The following WIZ variants were observed in gnomAD, a reference collection of about 807,000 sequenced individuals.
WIZ encodes WIZ zinc finger.
WIZ carries 25 observed loss-of-function variants against 140.2 expected under a neutral mutation model. The ratio of observed to expected loss-of-function variants is 0.18; its 90% CI spans 0.13 to 0.25. The LOEUF is 0.25. WIZ is among the 10% of genes least tolerant of loss of function. The pLI is 1.00. For missense variants in WIZ, 2,231 were observed against 2,632.6 expected, an observed-to-expected ratio of 0.85 and a Z score of 3.34; for synonymous variants, 1,125 against 1,154.3, an observed-to-expected ratio of 0.97 and a Z score of 0.51.
chr19:15,433,532 A>T (rs963582162), intron 5 of WIZ, among the ~76,000 whole-genome samples: 2 of 152,162 alleles, frequency 1.3e-5, no homozygotes, highest in African/African-American at 4.8e-5. Context: ...CCTCGCAGTT[A>T]TTCACTGAAA....
Position 15,440,863 on chromosome 19 carries a change from T to C in WIZ, c.279-148A>G, listed in dbSNP as rs925993888. ...GGGGTGTGGGGGTGAGGGTGGGAGG[T>C]AGGGGGAGTCCACGTGGATCCTTCC... On this transcript the variant is annotated intron_variant, in intron 3 of 12. Coordinates refer to ENST00000673675, the MANE Select transcript of WIZ (RefSeq NM_001371589.1). This position sits in a 1 kb window ranked among gnomAD's most constrained non-coding sequence, Gnocchi z 6.2. 6 of 728,332 alleles carry C rather than the reference T, an allele frequency of 8.2e-6. No homozygotes were observed. The highest frequency in any genetic ancestry group is 3.6e-5 in the African/African-American group (2 of 55,802). The allele number at this position is 728,332 out of a possible 1,614,324, so 45.1% of individuals were successfully genotyped here.
At chr19:15,429,442 C>G in intron 7 of WIZ, 144 bp downstream of exon 7, 1 of 944,940 alleles carries the variant, frequency 1.1e-6, no homozygotes, top group Non-Finnish European at 1.4e-6. Context: ...GACCAATACT[C>G]TGGCCTGGCT....
chr19:15,440,928 G>A lies in WIZ; in HGVS notation c.279-213C>T, dbSNP rs1056559592. Reference sequence around the variant, plus strand: ...AAAAGCCAGGTTCAACTCCTAGGATGCACCTGTCCACAAAGCCTAGCCCCG... The same window carrying A: ...AAAAGCCAGGTTCAACTCCTAGGATACACCTGTCCACAAAGCCTAGCCCCG... On this transcript the variant is annotated intron_variant, in intron 3 of 12. Transcript: ENST00000673675. This position sits in a 1 kb window ranked among gnomAD's most constrained non-coding sequence, Gnocchi z 6.2. Among the ~76,000 whole-genome samples the A allele has an allele frequency of 1.3e-5, 2 of 152,232 alleles. No individual in the cohort carries two copies. The highest frequency in any genetic ancestry group is 3.9e-4 in the East Asian group (2 of 5,174).
chr19:15,436,789 C>A lies in WIZ; in HGVS notation c.2740+17G>T. On this transcript the variant is annotated intron_variant, in intron 5 of 12. Transcript: ENST00000673675. ...GGGAAGGATGGGGCTCCAGCACAGCCCGTCCCCTCCCCTTACCATCTCCAT... is the reference window on the plus strand; with the variant it reads ...GGGAAGGATGGGGCTCCAGCACAGCACGTCCCCTCCCCTTACCATCTCCAT... 1 of 1,552,840 alleles carries A rather than the reference C, an allele frequency of 6.4e-7. No individual in the cohort carries two copies. The highest frequency in any genetic ancestry group is 8.6e-7 in the Non-Finnish European group (1 of 1,157,138).
intron 5 of WIZ, among the ~76,000 whole-genome samples, chr19:15,432,254 G>C (rs933679126): frequency 6.6e-6 from 1 of 151,984 alleles, no homozygotes; most frequent in Non-Finnish European, 1.5e-5. Flanking sequence ...AGCGGCGGAG[G>C]AGTGTTTCTG....
In WIZ at chr19:15,421,509, C is replaced by G. The variant is rs1968366199; in HGVS notation, c.*1567G>C. On this transcript the variant is annotated 3_prime_UTR_variant, in exon 13 of 13. Coordinates refer to ENST00000673675, the MANE Select transcript of WIZ (RefSeq NM_001371589.1). ...AAACGATGAGCTGAAAAACCACATG[C>G]AATAAACAAGAAGGAGCAGCCAACA... is the stretch of plus-strand genomic sequence containing the variant. 1 of 152,236 alleles carries G rather than the reference C, an allele frequency of 6.6e-6. No homozygotes were observed. Among genetic ancestry groups the G allele is most frequent in the African/African-American group, 2.4e-5 (1 of 41,446 alleles). The allele number at this position is 152,236 out of a possible 1,614,324, so 9.4% of individuals were successfully genotyped here. A position where few individuals can be genotyped will look rare whatever the true frequency, so the allele number is the denominator to read the frequency against.
In WIZ at chr19:15,448,238, G is replaced by A; in HGVS notation, c.70C>T (p.Pro24Ser). 1.2e-6 allele frequency: 2 copies of A among 1,613,538 alleles called. No individual in the cohort carries two copies. Among genetic ancestry groups the A allele is most frequent in the East Asian group, 2.2e-5 (1 of 44,852 alleles). ...CCCTCGATGTTCTCCCTTGGCGCCG[G>A]GCCAGGCAGTCTCTCTGGGCCTTGG... The part of the protein sequence containing the change: ...RPQGPERLPG[P>S]APRENIEGGA... Residue 24 changes from proline (P) to serine (S), a missense_variant, in exon 2 of 13, where the codon CCG becomes TCG. Physicochemically the swap from Pro to Ser is moderately conservative, Grantham distance 74 (BLOSUM62 -1). Around this residue, in one of 15 missense-constraint regions of WIZ, gnomAD observed 85 missense variants for 90.9 expected, o/e 0.94. Transcript: ENST00000673675.
Position 15,424,843 on chromosome 19 carries a change from T to G in WIZ, c.5084A>C (p.Gln1695Pro). 6.2e-7 allele frequency: 1 copy of G among 1,611,066 alleles called. No individual in the cohort carries two copies. The change falls in exon 11 of 13, where the codon CAG becomes CCG. Residue 1695 changes from glutamine to proline, a missense_variant. Coordinates refer to ENST00000673675, the MANE Select transcript of WIZ (RefSeq NM_001371589.1). The surrounding 1 kb of genome is among the most constrained non-coding windows in gnomAD (Gnocchi z 9.7). ...QKVGAYRSYI[Q>P]GGRPFTKKFR... ...CTTCTTGGTGAAGGGGCGGCCGCCC[T>G]GGATGTAGCTGCGGTAGGCGCCCAC...
chr19:15,427,998 G>A lies in WIZ; in HGVS notation c.3814+112C>T. The A allele has an allele frequency of 2.1e-6, 3 of 1,428,026 alleles. No individual in the cohort carries two copies. Among genetic ancestry groups the A allele is most frequent in the Non-Finnish European group, 2.8e-6 (3 of 1,085,918 alleles). The allele number at this position is 1,428,026 out of a possible 1,614,324, so 88.5% of individuals were successfully genotyped here. A position where few individuals can be genotyped will look rare whatever the true frequency, so the allele number is the denominator to read the frequency against. On this transcript the variant is annotated intron_variant, in intron 8 of 12. Transcript: ENST00000673675. The surrounding 1 kb of genome is among the most constrained non-coding windows in gnomAD (Gnocchi z 6.4). The stretch of plus-strand genomic sequence containing the variant: ...GATCTCTGGGCAGAACCGGCCCACT[G>A]CCAAGGGCCCCTGTCTACTCCCTGC...
Position 15,427,536 on chromosome 19 carries a change from G to A in WIZ, c.3815-3C>T, listed in dbSNP as rs1163061076. 1 of 1,601,326 alleles carries A rather than the reference G, an allele frequency of 6.2e-7. No homozygotes were observed. Among genetic ancestry groups the A allele is most frequent in the Non-Finnish European group, 8.5e-7 (1 of 1,171,398 alleles). On this transcript the variant is annotated splice_region_variant and splice_polypyrimidine_tract_variant and intron_variant, in intron 8 of 12. Transcript: ENST00000673675. This position sits in a 1 kb window ranked among gnomAD's most constrained non-coding sequence, Gnocchi z 6.4. ...TCGTGCTGGCTCTGGGCCTGAGGCT[G>A]CAGCAGGAGGAGAAAGGGGCAGTTA...
At chr19:15,423,289 G>A in intron 12 of WIZ, 54 bp from the exon 13 acceptor site, 1 of 1,585,964 alleles carries the variant, frequency 6.3e-7, no homozygotes, top group Non-Finnish European at 8.6e-7. Context: ...AGAGGCGGAA[G>A]CATAGCCTTG....
chr19:15,421,564 T>C lies in WIZ; in HGVS notation c.*1512A>G, dbSNP rs550691023. 3.3e-5 allele frequency: 5 copies of C among 152,326 alleles called. No homozygotes were observed. Among genetic ancestry groups the C allele is most frequent in the African/African-American group, 7.2e-5 (3 of 41,574 alleles). The allele number at this position is 152,326 out of a possible 1,614,324, so 9.4% of individuals were successfully genotyped here. Reference sequence around the variant, plus strand: ...CTCTTAAAATCTCAGAAATGTTCAATAAACATTTGCAGAGCGAGAAAATAA... The same window carrying C: ...CTCTTAAAATCTCAGAAATGTTCAACAAACATTTGCAGAGCGAGAAAATAA... On this transcript the variant is annotated 3_prime_UTR_variant, in exon 13 of 13. Transcript: ENST00000673675.
Position 15,440,529 on chromosome 19 carries a change from G to C in WIZ, c.465C>G (p.His155Gln). 6.5e-7 allele frequency: 1 copy of C among 1,536,170 alleles called. No individual in the cohort carries two copies. The highest frequency in any genetic ancestry group is 8.7e-7 in the Non-Finnish European group (1 of 1,146,900). The change falls in exon 4 of 13, where the codon CAC (histidine) becomes CAG (glutamine). Residue 155 changes from histidine (H) to glutamine (Q), a missense_variant. This residue lies in a region of WIZ where 307 missense variants were observed against 294.1 expected (regional missense o/e 1.04). Transcript: ENST00000673675. The surrounding 1 kb of genome is among the most constrained non-coding windows in gnomAD (Gnocchi z 6.2). ...DSVIVRTMKP[H>Q]AELEGSRRFL... ...ACCTTCTAGAGCCCTCTAGCTCAGC[G>C]TGGGGTTTCATGGTTCTCACAATGA...
At chr19:15,430,135 G>A (rs931323745) in intron 6 of WIZ, 46 bp from the exon 7 acceptor site, 33 of 1,458,702 alleles carry the variant, frequency 2.3e-5, no homozygotes, top group Admixed American at 4.8e-5. Flanking sequence ...TGAGGCCCAC[G>A]GCCCAGCTCT....
intron 3 of WIZ, among the ~76,000 whole-genome samples, chr19:15,441,039 C>T (rs1969726541): frequency 6.6e-6 from 1 of 152,168 alleles, no homozygotes; most frequent in African/African-American, 2.4e-5. Context: ...CAACAGTCAA[C>T]TCTCATCTCT....
chr19:15,423,095 G>T lies in WIZ; in HGVS notation c.5651C>A (p.Ala1884Glu). The change falls in exon 13 of 13, where the codon GCG becomes GAG. Residue 1884 changes from alanine (A) to glutamate (E), a missense_variant. By Grantham distance (107) the Ala-to-Glu change is moderately radical. Around this residue, in one of 15 missense-constraint regions of WIZ, gnomAD observed 299 missense variants for 309.6 expected, o/e 0.97. Transcript: ENST00000673675. The stretch of plus-strand genomic sequence containing the variant: ...TTTGTGTTAGGGAGCCTCTGCCGCC[G>T]CTGTCTGTGCCTGCGGGGCCTGGGA... ...EESQAPQAQT[A>E]AAEAP The T allele has an allele frequency of 6.2e-7, 1 of 1,611,750 alleles. No individual in the cohort carries two copies. The highest frequency in any genetic ancestry group is 8.5e-7 in the Non-Finnish European group (1 of 1,179,622).
rs1293555208 is a variant in WIZ, at chr19:15,448,299, C to T, written c.9G>A (p.Gly3=). The T allele has an allele frequency of 6.2e-7, 1 of 1,612,452 alleles. No individual in the cohort carries two copies. The highest frequency in any genetic ancestry group is 1.1e-5 in the South Asian group (1 of 91,066). Residue 3 remains glycine (G), a synonymous_variant, in exon 2 of 13, where the codon GGG becomes GGA. Coordinates refer to ENST00000673675, the MANE Select transcript of WIZ (RefSeq NM_001371589.1). ME[G]SLAGSLAAPD... ...GTGCAGCCAGGCTGCCTGCCAGAGA[C>T]CCCTCCATCGGATTTTCTCTGCTTG...
Position 15,439,413 on chromosome 19 carries a change from T to A in WIZ, c.1581A>T (p.Lys527Asn), listed in dbSNP as rs534199520. Reference protein sequence around the residue: ...FPDTAVDYFGKAEPSLAPMWR... With the variant: ...FPDTAVDYFGNAEPSLAPMWR... ...ACATGGGGGCCAAGGACGGCTCAGC[T>A]TTGCCAAAGTAGTCCACAGCAGTGT... is the stretch of plus-strand genomic sequence containing the variant. The change falls in exon 4 of 13, where the codon AAA becomes AAT. Residue 527 changes from lysine (K) to asparagine (N), a missense_variant. Lys to Asn is a moderately conservative substitution (Grantham distance 94). Transcript: ENST00000673675. The surrounding 1 kb of genome is among the most constrained non-coding windows in gnomAD (Gnocchi z 7.0). The A allele has an allele frequency of 3.9e-5, 59 of 1,527,778 alleles. No individual in the cohort carries two copies. In the South Asian group the frequency reaches 4.4e-4, roughly 11 times the overall value. The allele number at this position is 1,527,778 out of a possible 1,614,324, so 94.6% of individuals were successfully genotyped here. A position where few individuals can be genotyped will look rare whatever the true frequency, so the allele number is the denominator to read the frequency against.
chr19:15,420,789 G>GT lies in WIZ; in HGVS notation c.*2286dup, dbSNP rs1333560646. The GT allele has an allele frequency of 2.6e-5, 4 of 152,210 alleles. No individual in the cohort carries two copies. Among genetic ancestry groups the GT allele is most frequent in the Non-Finnish European group, 4.4e-5 (3 of 68,048 alleles). 9.4% of individuals were successfully genotyped at this position (152,210 alleles called of 1,614,324 possible). ...TTATAAGCTCTTGTATCATTTGACT[G>GT]TTTTTTGTCACATCTAGCCTATACC... On this transcript the variant is annotated 3_prime_UTR_variant, in exon 13 of 13. Transcript: ENST00000673675.
Sources: allele counts gnomAD v4.1 joint callset (sites outside exome capture counted in the v4.1 genomes callset), GRCh38; gene constraint gnomAD v4.1.1; regional missense constraint gnomAD v4.1.1; non-coding constraint Gnocchi (gnomAD v3.1); transcripts MANE v1.5; gene names NCBI Gene and HGNC (gene_info 2026-07-23, HGNC 2026-07-21).